Variants in MACIR observed in about 807,000 individuals in gnomAD.
MACIR encodes the protein UNC119-binding protein C5orf30.
MACIR carries 4 observed loss-of-function variants against 14.3 expected under a neutral mutation model. That is an observed-to-expected ratio of 0.28 (90% CI 0.14 to 0.64). The LOEUF (loss-of-function observed/expected upper bound fraction) is 0.64. MACIR is among the 30% of genes least tolerant of loss of function. MACIR has a pLI of 0.83. For missense variants in MACIR, 228 were observed against 257.6 expected, an observed-to-expected ratio of 0.89 and a Z score of 0.79; for synonymous variants, 101 against 102.4, an observed-to-expected ratio of 0.99 and a Z score of 0.08.
intron 2 of MACIR, among the ~76,000 whole-genome samples, chr5:103,272,671 C>T (rs758082479): frequency 3.3e-5 from 5 of 152,106 alleles, no homozygotes; most frequent in Non-Finnish European, 7.4e-5. Flanking sequence ...CCAGCCTCTA[C>T]CTAGCTTTCT....
At chr5:103,259,979 G>T (rs1804615961) in intron 1 of MACIR, among the ~76,000 whole-genome samples, 1 of 150,454 alleles carries the variant, frequency 6.6e-6, no homozygotes, top group Admixed American at 6.6e-5. Flanking sequence ...CACGCTTAGG[G>T]ACTCCCTGCC....
At chr5:103,275,754 G>A (rs1172318244) in intron 2 of MACIR, 143 bp from the exon 3 acceptor site, 1 of 661,346 alleles carries the variant, frequency 1.5e-6, no homozygotes, top group Non-Finnish European at 2.6e-6. Context: ...GAAACGTTTA[G>A]TAGACATAGT....
Position 103,276,103 on chromosome 5 carries a change from G to A in MACIR, c.184G>A (p.Val62Ile). 6.2e-7 allele frequency: 1 copy of A among 1,614,030 alleles called. No individual in the cohort carries two copies. The highest frequency in any genetic ancestry group is 8.5e-7 in the Non-Finnish European group (1 of 1,180,010). The change falls in exon 3 of 3, where the codon GTT becomes ATT. Residue 62 changes from valine to isoleucine, a missense_variant. Coordinates refer to ENST00000319933, the MANE Select transcript of MACIR (RefSeq NM_033211.4). ...CCTACACATGGACTCTAACTATTTG[G>A]TTGGCTTCACGACTGGCGAGGAACT... ...QILHMDSNYL[V>I]GFTTGEELLK...
chr5:103,262,634 C>G (rs1015428128), intron 1 of MACIR, among the ~76,000 whole-genome samples: 6 of 152,174 alleles, frequency 3.9e-5, no homozygotes, highest in African/African-American at 1.4e-4. Flanking sequence ...TGTTGGGTGT[C>G]TTTTGCTTAG....
At position 103,276,705 on chromosome 5, in the gene MACIR, A is replaced by C; in HGVS notation, c.*165A>C. ...GGTCAAATTTGAATACAGGAATGAAATCACAGGTACTTGGGGGGGGGATAT... is the reference window on the plus strand; with the variant it reads ...GGTCAAATTTGAATACAGGAATGAACTCACAGGTACTTGGGGGGGGGATAT... On this transcript the variant is annotated 3_prime_UTR_variant, in exon 3 of 3. Transcript: ENST00000319933. 1.8e-6 allele frequency: 1 copy of C among 569,732 alleles called. No homozygotes were observed. Among genetic ancestry groups the C allele is most frequent in the Non-Finnish European group, 3.0e-6 (1 of 338,090 alleles). The allele number at this position is 569,732 out of a possible 1,614,324, so 35.3% of individuals were successfully genotyped here.
At position 103,276,633 on chromosome 5, in the gene MACIR, T is replaced by G; in HGVS notation, c.*93T>G. 9 of 1,150,996 alleles carry G rather than the reference T, an allele frequency of 7.8e-6. 1 individual carries two copies. The South Asian group carries it at 1.6e-4, about 21-fold the overall frequency. 71.3% of individuals were successfully genotyped at this position (1,150,996 alleles called of 1,614,324 possible). ...ACTCTGTACATGACTCTTCACACTA[T>G]AGATGGTTATATCAGCTAAGTGTTC... On this transcript the variant is annotated 3_prime_UTR_variant, in exon 3 of 3. Transcript: ENST00000319933.
chr5:103,274,369 A>G (rs1805243430), intron 2 of MACIR, among the ~76,000 whole-genome samples: 1 of 150,326 alleles, frequency 6.7e-6, no homozygotes, highest in Non-Finnish European at 1.5e-5. Context: ...TATAAATAAT[A>G]TAAATAAAAA....
intron 1 of MACIR, among the ~76,000 whole-genome samples, chr5:103,261,705 C>CTTCCTTTCTTTCTTT (rs1562545911): frequency 1.3e-4 from 8 of 62,824 alleles, no homozygotes; most frequent in Non-Finnish European, 2.5e-4. Flanking sequence ...TTTCTTTCTT[C>CTTCCTTTCTTTCTTT]CTTTCTTTCT....
intron 2 of MACIR, among the ~76,000 whole-genome samples, chr5:103,271,475 A>G (rs1805122649): frequency 6.6e-6 from 1 of 152,062 alleles, no homozygotes; most frequent in South Asian, 2.1e-4. Flanking sequence ...CAAAATTTAC[A>G]ATTTCATTCT....
At chr5:103,261,364 T>C (rs1804675995) in intron 1 of MACIR, among the ~76,000 whole-genome samples, 2 of 152,236 alleles carry the variant, frequency 1.3e-5, no homozygotes. Flanking sequence ...GCCTCTAAGA[T>C]GAGCATCTAG....
intron 1 of MACIR, among the ~76,000 whole-genome samples, chr5:103,261,135 G>A (rs1175684652): frequency 6.6e-6 from 1 of 152,198 alleles, no homozygotes; most frequent in East Asian, 1.9e-4. Flanking sequence ...CTTTAAGGGG[G>A]TGGATTGCTA....
intron 1 of MACIR, among the ~76,000 whole-genome samples, chr5:103,264,608 G>T (rs80318621): frequency 6.6e-6 from 1 of 152,018 alleles, no homozygotes; most frequent in East Asian, 1.9e-4. Flanking sequence ...AGATTTTTTG[G>T]TTCCCCAATT....
chr5:103,270,967 T>C (rs1805101370), intron 2 of MACIR, among the ~76,000 whole-genome samples: 1 of 152,024 alleles, frequency 6.6e-6, no homozygotes. Context: ...CAGTCTGTAA[T>C]AGAGAAAAAT....
chr5:103,276,614 T>C lies in MACIR; in HGVS notation c.*74T>C. The C allele has an allele frequency of 7.5e-7, 1 of 1,341,722 alleles. No individual in the cohort carries two copies. Among genetic ancestry groups the C allele is most frequent in the Non-Finnish European group, 1.0e-6 (1 of 977,352 alleles). The allele number at this position is 1,341,722 out of a possible 1,614,324, so 83.1% of individuals were successfully genotyped here. On this transcript the variant is annotated 3_prime_UTR_variant, in exon 3 of 3. Transcript: ENST00000319933. ...AGAAAAAACCCACTGCTGTACTCTGTACATGACTCTTCACACTATAGATGG... is the reference window on the plus strand; with the variant it reads ...AGAAAAAACCCACTGCTGTACTCTGCACATGACTCTTCACACTATAGATGG...
chr5:103,271,626 A>G (rs1554237125), intron 2 of MACIR, among the ~76,000 whole-genome samples: 2 of 152,172 alleles, frequency 1.3e-5, no homozygotes, highest in Admixed American at 6.5e-5. Context: ...CATGTTTTAT[A>G]AATACATTGG....
chr5:103,264,077 C>T (rs1371302772), intron 1 of MACIR, among the ~76,000 whole-genome samples: 1 of 152,134 alleles, frequency 6.6e-6, no homozygotes, highest in Non-Finnish European at 1.5e-5. Context: ...TACCCATACA[C>T]TTAAAATAGA....
chr5:103,261,638 T>TTCTCTTTC (rs1554236268), intron 1 of MACIR, among the ~76,000 whole-genome samples: 1 of 96,748 alleles, frequency 1.0e-5, no homozygotes, highest in Non-Finnish European at 2.2e-5. Context: ...CTGTTTTTCT[T>TTCTCTTTC]TTTCTTTCTT....
At position 103,276,563 on chromosome 5, in the gene MACIR, C is replaced by A; in HGVS notation, c.*23C>A. The stretch of plus-strand genomic sequence containing the variant: ...TGAATGACTTGGAGAGAGCTTAAAC[C>A]AATTTAGGTCAGCCTACGCTTGGCT... On this transcript the variant is annotated 3_prime_UTR_variant, in exon 3 of 3. Coordinates refer to ENST00000319933, the MANE Select transcript of MACIR (RefSeq NM_033211.4). The A allele has an allele frequency of 6.3e-7, 1 of 1,584,376 alleles. No homozygotes were observed. The highest frequency in any genetic ancestry group is 1.2e-5 in the South Asian group (1 of 85,578).
rs781976718 is a variant in MACIR at position 103,275,956 on chromosome 5, C to T, written c.37C>T (p.Leu13=). The change falls in exon 3 of 3, where the codon CTG becomes TTG. Residue 13 remains leucine (L), a synonymous_variant. Coordinates refer to ENST00000319933, the MANE Select transcript of MACIR (RefSeq NM_033211.4). ...VDINGESRST[L]TTLPFPGAEA... ...TATTAATGGAGAGTCTAGAAGTACC[C>T]TGACCACCTTGCCCTTCCCTGGGGC... 6.2e-7 allele frequency: 1 copy of T among 1,613,826 alleles called. No individual in the cohort carries two copies. The highest frequency in any genetic ancestry group is 1.1e-5 in the South Asian group (1 of 91,048).
Sources: allele counts gnomAD v4.1 joint callset (sites outside exome capture counted in the v4.1 genomes callset), GRCh38; gene constraint gnomAD v4.1.1; transcripts MANE v1.5; gene names NCBI Gene and HGNC (gene_info 2026-07-23, HGNC 2026-07-21).